The following PLCXD3 variants were observed in gnomAD, a reference collection of about 807,000 sequenced individuals.
PLCXD3 encodes PI-PLC X domain-containing protein 3.
PLCXD3 carries 19 observed loss-of-function variants against 25.5 expected under a neutral mutation model. The observed-to-expected ratio is 0.75, with a 90% CI of 0.52 to 1.09. The LOEUF (loss-of-function observed/expected upper bound fraction) is 1.09, where lower values mean the gene tolerates loss of function less well. Ranked by LOEUF, PLCXD3 falls within the 50% of genes least tolerant of loss-of-function variation. The probability of loss-of-function intolerance (pLI) is 0.00; values close to 1 mark genes in which losing one functional copy is unlikely to be tolerated. For synonymous variants in PLCXD3, 174 were observed against 137.6 expected (o/e 1.26, Z -1.85); for missense variants, 411 against 388.1 (o/e 1.06, Z -0.50).
intron 2 of PLCXD3, among the ~76,000 whole-genome samples, chr5:41,338,950 C>A (rs1241114021): frequency 6.6e-6 from 1 of 152,028 alleles, no homozygotes; most frequent in African/African-American, 2.4e-5. Flanking sequence ...CGCCCTCATT[C>A]TGGTTCTTTT....
chr5:41,320,192 C>G (rs6886372), intron 2 of PLCXD3, among the ~76,000 whole-genome samples: 10,449 of 152,018 alleles, frequency 0.069, 692 homozygotes, highest in East Asian at 0.35. Context: ...TAAAGAAAAA[C>G]TAATAGCAAT....
intron 2 of PLCXD3, among the ~76,000 whole-genome samples, chr5:41,331,201 T>C (rs1309766860): frequency 1.3e-5 from 2 of 152,056 alleles, no homozygotes; most frequent in Non-Finnish European, 2.9e-5. Context: ...AAAACCCCAT[T>C]GTCTCAGCCC....
chr5:41,398,191 T>C (rs1746068228), intron 1 of PLCXD3, among the ~76,000 whole-genome samples: 1 of 152,164 alleles, frequency 6.6e-6, no homozygotes, highest in South Asian at 2.1e-4. Flanking sequence ...AAATCTTATG[T>C]TGAAATGTAA....
chr5:41,313,564 C>A lies in PLCXD3; in HGVS notation c.*53G>T, dbSNP rs1743202972. ...ATCAGAGTGTTTACAGATAGTATGC[C>A]CTAATACAATGAGCTTTCTCCATCT... On this transcript the variant is annotated 3_prime_UTR_variant, in exon 3 of 3. Transcript: ENST00000377801. 3 of 1,601,226 alleles carry A rather than the reference C, an allele frequency of 1.9e-6. No individual in the cohort carries two copies. The African/African-American group carries it at 4.0e-5, about 21-fold the overall frequency.
In PLCXD3 at chr5:41,393,786, C is replaced by T. The variant is rs146701448; in HGVS notation, c.104-11252G>A. 2.1e-3 allele frequency among the ~76,000 whole-genome samples: 316 copies of T among 151,944 alleles called. 1 individual carries two copies. Among genetic ancestry groups the T allele is most frequent in the East Asian group, 7.8e-3 (40 of 5,152 alleles). ...TACAAAAAAAGAAAAAAAAATTAGC[C>T]GGGCATGGTGGTGGACACCTGTAGT... On this transcript the variant is annotated intron_variant, in intron 1 of 2. Coordinates refer to ENST00000377801, the MANE Select transcript of PLCXD3 (RefSeq NM_001005473.3).
chr5:41,509,081 T>C (rs1738957234), intron 1 of PLCXD3, among the ~76,000 whole-genome samples: 1 of 152,216 alleles, frequency 6.6e-6, no homozygotes, highest in Non-Finnish European at 1.5e-5. Context: ...CTAACAACCA[T>C]TGATTTGAGG....
chr5:41,382,873 C>T (rs750083929), intron 1 of PLCXD3, among the ~76,000 whole-genome samples: 6 of 152,032 alleles, frequency 3.9e-5, no homozygotes, highest in Non-Finnish European at 7.4e-5. Context: ...ATTCATAAAG[C>T]GATATCTATG....
chr5:41,367,987 C>A (rs77239479), intron 2 of PLCXD3, among the ~76,000 whole-genome samples: 16,665 of 151,946 alleles, frequency 0.11, 1,144 homozygotes, highest in Admixed American at 0.17. Context: ...CTATTCTGTT[C>A]CATTTTTCTA....
chr5:41,443,910 C>T lies in PLCXD3; in HGVS notation c.104-61376G>A, dbSNP rs931496117. ...CCTTTTAGTTTTTCTTTTAATCCTG[C>T]TCTATGTAGATACTTTCCCTGAGCT... On this transcript the variant is annotated intron_variant, in intron 1 of 2. Transcript: ENST00000377801. Among the ~76,000 whole-genome samples, 10 of 152,220 alleles carry T rather than the reference C, an allele frequency of 6.6e-5. No homozygotes were observed. The East Asian group carries it at 1.9e-3, about 29-fold the overall frequency.
intron 2 of PLCXD3, among the ~76,000 whole-genome samples, chr5:41,369,959 G>C (rs140517269): frequency 9.3e-4 from 141 of 152,292 alleles, no homozygotes; most frequent in Non-Finnish European, 1.6e-3. Context: ...AGGGCAGTCT[G>C]TGCTTTTAGC....
At chr5:41,391,004 A>C (rs2150495891) in intron 1 of PLCXD3, among the ~76,000 whole-genome samples, 1 of 152,318 alleles carries the variant, frequency 6.6e-6, no homozygotes, top group African/African-American at 2.4e-5. Context: ...TCGCTTCCTA[A>C]GGGAGCATTT....
At chr5:41,343,809 C>T (rs1463641444) in intron 2 of PLCXD3, among the ~76,000 whole-genome samples, 1 of 151,932 alleles carries the variant, frequency 6.6e-6, no homozygotes, top group African/African-American at 2.4e-5. Context: ...CATTTTTTTC[C>T]TAAAGCCCAA....
At chr5:41,455,954 G>T (rs534111093) in intron 1 of PLCXD3, among the ~76,000 whole-genome samples, 1 of 151,880 alleles carries the variant, frequency 6.6e-6, no homozygotes, top group Non-Finnish European at 1.5e-5. Context: ...TAAGATTGTC[G>T]CAAAGAATAG....
chr5:41,509,908 C>T (rs59447468), intron 1 of PLCXD3, among the ~76,000 whole-genome samples: 1,890 of 152,308 alleles, frequency 0.012, 35 homozygotes, highest in African/African-American at 0.043. Flanking sequence ...CTTCGGGAAG[C>T]GCTTTGTCTT....
At chr5:41,354,805 C>A (rs1313609726) in intron 2 of PLCXD3, among the ~76,000 whole-genome samples, 1 of 152,170 alleles carries the variant, frequency 6.6e-6, no homozygotes, top group African/African-American at 2.4e-5. Context: ...TAGTTCCCTG[C>A]ATAAAATTCT....
At chr5:41,413,238 C>A (rs1324463524) in intron 1 of PLCXD3, among the ~76,000 whole-genome samples, 2 of 152,098 alleles carry the variant, frequency 1.3e-5, no homozygotes, top group Non-Finnish European at 2.9e-5. Flanking sequence ...AAGATTAGAT[C>A]ATGAAAGTCA....
chr5:41,312,690 TTCCTTCC>T lies in PLCXD3; in HGVS notation c.*920_*926del, dbSNP rs1743167797. The T allele has an allele frequency of 1.3e-5, 1 of 79,164 alleles. No individual in the cohort carries two copies. Among genetic ancestry groups the T allele is most frequent in the South Asian group, 3.8e-4 (1 of 2,656 alleles). The allele number at this position is 79,164 out of a possible 1,614,324, so 4.9% of individuals were successfully genotyped here. A position where few individuals can be genotyped will look rare whatever the true frequency, so the allele number is the denominator to read the frequency against. On this transcript the variant is annotated 3_prime_UTR_variant, in exon 3 of 3. Coordinates refer to ENST00000377801, the MANE Select transcript of PLCXD3 (RefSeq NM_001005473.3). ...TCCCTCCCTTCCTTTCTTCCTTTCC[TTCCTTCC>T]TTCCTTCCTTCCTTCCTTCCTTCCT... is the stretch of plus-strand genomic sequence containing the variant.
chr5:41,339,372 G>A (rs1439100841), intron 2 of PLCXD3, among the ~76,000 whole-genome samples: 1 of 152,086 alleles, frequency 6.6e-6, no homozygotes, highest in Admixed American at 6.5e-5. Flanking sequence ...GTGCTGCCAG[G>A]GGATAATAGC....
intron 1 of PLCXD3, among the ~76,000 whole-genome samples, chr5:41,425,173 A>G (rs946157383): frequency 6.6e-6 from 1 of 152,190 alleles, no homozygotes; most frequent in Admixed American, 6.5e-5. Flanking sequence ...TGATATTAAT[A>G]TAACCACACC....
Sources: allele counts gnomAD v4.1 joint callset (sites outside exome capture counted in the v4.1 genomes callset), GRCh38; gene constraint gnomAD v4.1.1; transcripts MANE v1.5; gene names NCBI Gene and HGNC (gene_info 2026-07-23, HGNC 2026-07-21).